Variants in MAP4K3 observed in about 807,000 individuals in gnomAD.
MAP4K3 encodes MAPK/ERK kinase kinase kinase 3.
MAP4K3 carries 94 observed loss-of-function variants against 143.5 expected under a neutral mutation model. That is an observed-to-expected ratio of 0.65 (90% CI 0.55 to 0.78). The LOEUF is 0.78. MAP4K3 is among the 30% of genes least tolerant of loss of function. The pLI is 0.00. For synonymous variants in MAP4K3, 416 were observed against 347.2 expected (o/e 1.20, Z -2.20); for missense variants, 1,077 against 1,068.1 (o/e 1.01, Z -0.12).
chr2:39,333,562 G>C lies in MAP4K3; in HGVS notation c.427C>G (p.Leu143Val). ...TTCACATGACCATTATCCGTTAATAGAATGTTAGCTCCCTTCAAAGTAACA... is the reference window on the plus strand; with the variant it reads ...TTCACATGACCATTATCCGTTAATACAATGTTAGCTCCCTTCAAAGTAACA... ...MHRDIKGANI[L>V]LTDNGHVKLA... Residue 143 changes from leucine (L) to valine (V), a missense_variant, in exon 7 of 34, where the codon CTA (leucine) becomes GTA (valine). Around this residue, in one of 2 missense-constraint regions of MAP4K3, gnomAD observed 213 missense variants for 266.8 expected, o/e 0.80. Transcript: ENST00000263881. 6.2e-7 allele frequency: 1 copy of C among 1,603,682 alleles called. No homozygotes were observed. Among genetic ancestry groups the C allele is most frequent in the Non-Finnish European group, 8.5e-7 (1 of 1,171,540 alleles).
At chr2:39,257,802 A>G (rs1680406621) in intron 31 of MAP4K3, among the ~76,000 whole-genome samples, 1 of 151,794 alleles carries the variant, frequency 6.6e-6, no homozygotes. Flanking sequence ...ATCTCAAAAA[A>G]AAAAAAAAAA....
intron 1 of MAP4K3, among the ~76,000 whole-genome samples, chr2:39,415,980 AATATATAT>A (rs1553318574): frequency 1.4e-4 from 2 of 14,756 alleles, no homozygotes; most frequent in African/African-American, 2.0e-4. Flanking sequence ...AAAAAAAAAA[AATATATAT>A]ATATATATAT....
intron 1 of MAP4K3, among the ~76,000 whole-genome samples, chr2:39,422,190 T>C (rs1040466163): frequency 4.6e-5 from 7 of 152,000 alleles, no homozygotes; most frequent in South Asian, 4.2e-4. Flanking sequence ...ATCAAACTCC[T>C]TGAAAAGAGA....
intron 14 of MAP4K3, among the ~76,000 whole-genome samples, chr2:39,308,976 A>G (rs1682815980): frequency 6.6e-6 from 1 of 152,194 alleles, no homozygotes; most frequent in Admixed American, 6.5e-5. Flanking sequence ...AAAAAATTTA[A>G]AAGTCAGCAT....
At chr2:39,433,139 C>T (rs1665346242) in intron 1 of MAP4K3, among the ~76,000 whole-genome samples, 1 of 152,152 alleles carries the variant, frequency 6.6e-6, no homozygotes, top group African/African-American at 2.4e-5. Context: ...TTGGAAAATG[C>T]CTGTGTACAG....
intron 4 of MAP4K3, among the ~76,000 whole-genome samples, chr2:39,342,640 G>C (rs1343605980): frequency 3.3e-5 from 5 of 152,048 alleles, no homozygotes; most frequent in African/African-American, 1.2e-4. Flanking sequence ...AAGTAAAATA[G>C]AAACAGTAAA....
chr2:39,267,269 T>C (rs1680803896), intron 26 of MAP4K3, 22 bp from the exon 27 acceptor site: 2 of 1,581,494 alleles, frequency 1.3e-6, no homozygotes, highest in South Asian at 1.1e-5. Flanking sequence ...TAAAAGTGAG[T>C]ACGTAATATA....
At chr2:39,417,297 G>T (rs1006314236) in intron 1 of MAP4K3, among the ~76,000 whole-genome samples, 37 of 150,410 alleles carry the variant, frequency 2.5e-4, no homozygotes, top group African/African-American at 8.1e-4. Flanking sequence ...TCGGCTCACT[G>T]CAAGCTCCTC....
At chr2:39,428,792 G>A (rs1183344363) in intron 1 of MAP4K3, among the ~76,000 whole-genome samples, 3 of 151,204 alleles carry the variant, frequency 2.0e-5, no homozygotes, top group Non-Finnish European at 4.4e-5. Context: ...TCCATGGGCC[G>A]GGTGCAGTGG....
intron 6 of MAP4K3, 28 bp from the exon 7 acceptor site, chr2:39,333,602 G>C (rs747448862): frequency 1.5e-6 from 2 of 1,342,802 alleles, no homozygotes; most frequent in Non-Finnish European, 2.1e-6. Flanking sequence ...TTTAGTTAGA[G>C]TAGGAAATAG....
chr2:39,349,438 A>G (rs904915162), intron 3 of MAP4K3, among the ~76,000 whole-genome samples: 2 of 152,200 alleles, frequency 1.3e-5, no homozygotes, highest in Non-Finnish European at 2.9e-5. Flanking sequence ...CCCAGTGTTC[A>G]GCATAATATT....
chr2:39,425,843 G>T (rs1250728835), intron 1 of MAP4K3, among the ~76,000 whole-genome samples: 1 of 152,150 alleles, frequency 6.6e-6, no homozygotes, highest in African/African-American at 2.4e-5. Flanking sequence ...AACAAAAATA[G>T]TTCTTCACAG....
At chr2:39,279,383 G>T (rs1468074597) in intron 23 of MAP4K3, among the ~76,000 whole-genome samples, 1 of 152,142 alleles carries the variant, frequency 6.6e-6, no homozygotes, top group Admixed American at 6.6e-5. Flanking sequence ...CTCTCTGAGT[G>T]CCAATTTCCT....
chr2:39,272,610 A>G, intron 24 of MAP4K3, 68 bp from the exon 25 acceptor site: 1 of 1,250,886 alleles, frequency 8.0e-7, no homozygotes, highest in Non-Finnish European at 1.2e-6. Context: ...TGTACACAGT[A>G]ATCACGTAAG....
chr2:39,411,065 G>C (rs1167558679), intron 1 of MAP4K3, among the ~76,000 whole-genome samples: 1 of 152,134 alleles, frequency 6.6e-6, no homozygotes, highest in Admixed American at 6.5e-5. Context: ...ATACAGGACA[G>C]TAATTCAACA....
intron 2 of MAP4K3, among the ~76,000 whole-genome samples, chr2:39,367,987 G>A (rs2148567428): frequency 6.6e-6 from 1 of 152,298 alleles, no homozygotes; most frequent in African/African-American, 2.4e-5. Context: ...AGTCAGGGAA[G>A]GAGGGCTTAA....
At chr2:39,253,514 C>G (rs996511608) in intron 32 of MAP4K3, among the ~76,000 whole-genome samples, 2 of 152,142 alleles carry the variant, frequency 1.3e-5, no homozygotes, top group Admixed American at 6.5e-5. Flanking sequence ...ATCATAACAA[C>G]TCAATTCACA....
At chr2:39,414,560 T>C (rs578062230) in intron 1 of MAP4K3, among the ~76,000 whole-genome samples, 2 of 152,312 alleles carry the variant, frequency 1.3e-5, no homozygotes, top group African/African-American at 2.4e-5. Flanking sequence ...CTGCCTACTA[T>C]GCCTCAATTC....
At chr2:39,321,706 T>C (rs1370160760) in intron 12 of MAP4K3, among the ~76,000 whole-genome samples, 2 of 152,244 alleles carry the variant, frequency 1.3e-5, no homozygotes, top group African/African-American at 4.8e-5. Flanking sequence ...AACCCGATTG[T>C]ACATTCCATC....
Sources: gnomAD v4.1 joint callset for allele counts (sites outside exome capture counted in the v4.1 genomes callset) on GRCh38, gnomAD v4.1.1 for gene constraint, gnomAD v4.1.1 regional missense constraint, MANE v1.5 for transcripts, NCBI Gene and HGNC (gene_info 2026-07-23, HGNC 2026-07-21) for gene names.